The following RADIL variants were observed in gnomAD, a reference collection of about 807,000 sequenced individuals.
The protein encoded by RADIL is ras-associating and dilute domain-containing protein.
Under a neutral mutation model 97.6 loss-of-function variants are expected in RADIL, and 99 were observed. The ratio of observed to expected loss-of-function variants is 1.01; its 90% CI spans 0.86 to 1.20. The LOEUF (loss-of-function observed/expected upper bound fraction) is 1.20, where lower values mean the gene tolerates loss of function less well. RADIL is among the 50% of genes most tolerant of loss of function. The probability of loss-of-function intolerance (pLI) is 0.00; values close to 1 mark genes in which losing one functional copy is unlikely to be tolerated. For synonymous variants in RADIL, 803 were observed against 691.8 expected (o/e 1.16, Z -2.52); for missense variants, 1,765 against 1,498.9 (o/e 1.18, Z -2.93).
Position 4,821,468 on chromosome 7 carries a change from G to A in RADIL, c.1615+926C>T, listed in dbSNP as rs746044556. On this transcript the variant is annotated intron_variant, in intron 6 of 14. Transcript: ENST00000399583. This position sits in a 1 kb window ranked among gnomAD's most constrained non-coding sequence, Gnocchi z 5.2. ...GAGCCGAAATCCTACCCCGGCTTCC[G>A]GGCCCGGCCCCATGCCACCTTCCTC... Among the ~76,000 whole-genome samples, 2 of 152,114 alleles carry A rather than the reference G, an allele frequency of 1.3e-5. No individual in the cohort carries two copies. Among genetic ancestry groups the A allele is most frequent in the Admixed American group, 6.5e-5 (1 of 15,276 alleles).
At chr7:4,841,269 C>T (rs916309531) in intron 2 of RADIL, among the ~76,000 whole-genome samples, 1 of 152,170 alleles carries the variant, frequency 6.6e-6, no homozygotes, top group African/African-American at 2.4e-5. Flanking sequence ...CCTGCCCTGG[C>T]GTGACTGAGT....
intron 2 of RADIL, among the ~76,000 whole-genome samples, chr7:4,847,861 G>A (rs1783613748): frequency 6.6e-6 from 1 of 151,864 alleles, no homozygotes; most frequent in Non-Finnish European, 1.5e-5. Context: ...CTGGGGGTGG[G>A]ACCGGCTGAC....
rs1434711188 is a variant in RADIL at position 4,878,284 on chromosome 7, C to T, written c.-64-81G>A. On this transcript the variant is annotated intron_variant, in intron 1 of 14. Transcript: ENST00000399583. This position sits in a 1 kb window ranked among gnomAD's most constrained non-coding sequence, Gnocchi z 4.1. ...TGAGGCCACAGGCGGTGACTCCTGC[C>T]CGTCATCCCAGCGCTTTAGAAGGCC... 6.5e-6 allele frequency: 6 copies of T among 924,848 alleles called. No individual in the cohort carries two copies. Among genetic ancestry groups the T allele is most frequent in the Non-Finnish European group, 9.4e-6 (6 of 640,290 alleles). 57.3% of individuals were successfully genotyped at this position (924,848 alleles called of 1,614,324 possible).
chr7:4,880,301 C>A lies in RADIL; in HGVS notation c.-64-2098G>T, dbSNP rs2115056916. The stretch of plus-strand genomic sequence containing the variant: ...ATCCTAAGAAGCTCAGAGCCGGCCG[C>A]AGCTTCCCCCACGGACTCATCAAAG... On this transcript the variant is annotated intron_variant, in intron 1 of 14. Transcript: ENST00000399583. The surrounding 1 kb of genome is among the most constrained non-coding windows in gnomAD (Gnocchi z 4.5). 6.6e-6 allele frequency among the ~76,000 whole-genome samples: 1 copy of A among 152,342 alleles called. No homozygotes were observed. Among genetic ancestry groups the A allele is most frequent in the South Asian group, 2.1e-4 (1 of 4,832 alleles).
chr7:4,870,913 C>A (rs1784238173), intron 2 of RADIL, among the ~76,000 whole-genome samples: 1 of 152,152 alleles, frequency 6.6e-6, no homozygotes, highest in Non-Finnish European at 1.5e-5. Context: ...CAGGGGACAA[C>A]AGGGCTGTCA....
chr7:4,801,999 G>C lies in RADIL; in HGVS notation c.2500-4C>G. 6.7e-7 allele frequency: 1 copy of C among 1,497,022 alleles called. No individual in the cohort carries two copies. The highest frequency in any genetic ancestry group is 8.9e-7 in the Non-Finnish European group (1 of 1,124,530). The allele number at this position is 1,497,022 out of a possible 1,614,324, so 92.7% of individuals were successfully genotyped here. A position where few individuals can be genotyped will look rare whatever the true frequency, so the allele number is the denominator to read the frequency against. On this transcript the variant is annotated splice_region_variant and splice_polypyrimidine_tract_variant and intron_variant, in intron 11 of 14. Transcript: ENST00000399583. The stretch of plus-strand genomic sequence containing the variant: ...CAAGGACCACGTGGTGCATACCCTA[G>C]GGAGAGGAAGGGTGACAGCTCAGGT...
rs374046773 is a variant in RADIL, at chr7:4,800,266, T to C, written c.2887A>G (p.Ser963Gly). ...LAEESPPAPS[S>G]RSSSTEDFCY... ...AAGTCCTCGGTGCTGGAGCTGCGGCTGGACGGGGCTGGAGGGGACTCCTCC... is the reference window on the plus strand; with the variant it reads ...AAGTCCTCGGTGCTGGAGCTGCGGCCGGACGGGGCTGGAGGGGACTCCTCC... Residue 963 changes from serine to glycine, a missense_variant, in exon 13 of 15, where the codon AGC (serine) becomes GGC (glycine). Ser to Gly is a moderately conservative substitution (Grantham distance 56). Transcript: ENST00000399583. The C allele has an allele frequency of 3.9e-6, 6 of 1,539,232 alleles. No individual in the cohort carries two copies. The African/African-American group carries it at 6.9e-5, about 18-fold the overall frequency.
Position 4,822,262 on chromosome 7 carries a change from G to A in RADIL, c.1615+132C>T. The A allele has an allele frequency of 8.5e-7, 1 of 1,179,474 alleles. No individual in the cohort carries two copies. Among genetic ancestry groups the A allele is most frequent in the Non-Finnish European group, 1.2e-6 (1 of 863,470 alleles). 73.1% of individuals were successfully genotyped at this position (1,179,474 alleles called of 1,614,324 possible). On this transcript the variant is annotated intron_variant, in intron 6 of 14. Transcript: ENST00000399583. The surrounding 1 kb of genome is among the most constrained non-coding windows in gnomAD (Gnocchi z 5.3). ...GAGCAACTGACACATGGCAGCCTAG[G>A]GACTGAGGAAGCCCCCGGCATGAAT...
intron 2 of RADIL, among the ~76,000 whole-genome samples, chr7:4,875,058 G>GGTGCAT (rs1784339623): frequency 1.6e-4 from 24 of 147,186 alleles, no homozygotes; most frequent in African/African-American, 6.3e-4. Context: ...CGGGCGTGGT[G>GGTGCAT]GCGGGCGCCT....
At chr7:4,861,831 A>T in intron 2 of RADIL, 1 of 1,262,596 alleles carries the variant, frequency 7.9e-7, no homozygotes, top group Non-Finnish European at 1.0e-6. Context: ...CCGCCCCGCC[A>T]GGGCACGTCC....
intron 2 of RADIL, among the ~76,000 whole-genome samples, chr7:4,868,101 CG>C (rs1187810990): frequency 6.6e-6 from 1 of 151,992 alleles, no homozygotes; most frequent in Non-Finnish European, 1.5e-5. Flanking sequence ...CTCACTGTGT[CG>C]CCCAGGCTGG....
At chr7:4,801,431 T>A (rs1029916307) in intron 12 of RADIL, among the ~76,000 whole-genome samples, 1 of 152,220 alleles carries the variant, frequency 6.6e-6, no homozygotes, top group African/African-American at 2.4e-5. Flanking sequence ...ACAGTGAGTA[T>A]CTGCCCAAGA....
At position 4,822,369 on chromosome 7, in the gene RADIL, G is replaced by A. The variant is rs886794963; in HGVS notation, c.1615+25C>T. On this transcript the variant is annotated intron_variant, in intron 6 of 14. Coordinates refer to ENST00000399583, the MANE Select transcript of RADIL (RefSeq NM_018059.5). The surrounding 1 kb of genome is among the most constrained non-coding windows in gnomAD (Gnocchi z 5.3). ...CCCCTGCCTGGGGTGCTGGCGGGGG[G>A]AATGGAGGGCAGCGCCAGCCGTACC... The A allele has an allele frequency of 6.3e-7, 1 of 1,596,098 alleles. No individual in the cohort carries two copies. The highest frequency in any genetic ancestry group is 1.1e-5 in the South Asian group (1 of 89,080).
chr7:4,805,466 C>T, intron 10 of RADIL, 100 bp downstream of exon 10: 1 of 1,399,524 alleles, frequency 7.1e-7, no homozygotes, highest in Non-Finnish European at 9.5e-7. Context: ...AGAGGTCCCC[C>T]ACACCCCACT....
In RADIL at chr7:4,836,703, C is replaced by T. The variant is rs145447088; in HGVS notation, c.536-98G>A. 1.5e-3 allele frequency: 2,248 copies of T among 1,509,036 alleles called. 34 individuals are homozygous for T. The East Asian group carries it at 0.04, about 27-fold the overall frequency. The allele number at this position is 1,509,036 out of a possible 1,614,324, so 93.5% of individuals were successfully genotyped here. On this transcript the variant is annotated intron_variant, in intron 2 of 14. Transcript: ENST00000399583. ...CTGTAATCCCAGCACTTTGGGAGGC[C>T]GAGGTGGGGGGATCGCCTGAGGTCA...
At position 4,827,178 on chromosome 7, in the gene RADIL, A is replaced by G. The variant is rs575104613; in HGVS notation, c.1455-4624T>C. On this transcript the variant is annotated intron_variant, in intron 5 of 14. Coordinates refer to ENST00000399583, the MANE Select transcript of RADIL (RefSeq NM_018059.5). ...TCAGGAGTTCAAGACAAGCCTGGTCAACATGGTGAAACCCCGTCTTTACTG... is the reference window on the plus strand; with the variant it reads ...TCAGGAGTTCAAGACAAGCCTGGTCGACATGGTGAAACCCCGTCTTTACTG... Among the ~76,000 whole-genome samples the G allele has an allele frequency of 9.4e-4, 143 of 152,120 alleles. 1 individual carries two copies. Among genetic ancestry groups the G allele is most frequent in the African/African-American group, 3.3e-3 (138 of 41,502 alleles).
chr7:4,868,097 G>A (rs1784169398), intron 2 of RADIL, among the ~76,000 whole-genome samples: 1 of 151,874 alleles, frequency 6.6e-6, no homozygotes, highest in Non-Finnish European at 1.5e-5. Context: ...GAGTCTCACT[G>A]TGTCGCCCAG....
chr7:4,805,404 CG>C (rs988236473), intron 10 of RADIL, 161 bp downstream of exon 10: 4 of 770,962 alleles, frequency 5.2e-6, no homozygotes, highest in African/African-American at 2.6e-5. Flanking sequence ...GGGGATGGGG[CG>C]GGGCGGGGGG....
Position 4,836,588 on chromosome 7 carries a change from G to C in RADIL, c.553C>G (p.Arg185Gly), listed in dbSNP as rs779106158. The change falls in exon 3 of 15, where the codon CGG (arginine) becomes GGG (glycine). Residue 185 changes from arginine (R) to glycine (G), a missense_variant. Transcript: ENST00000399583. ...TTCGCGCGACTCCGCTGCAGCCTCC[G>C]GGCCTGGGCGTTTATCCCTGGAACA... is the stretch of plus-strand genomic sequence containing the variant. ...TITAGINAQA[R>G]RLQRSRAKGT... is the part of the protein sequence containing the mutation. The C allele has an allele frequency of 3.1e-6, 5 of 1,607,386 alleles. No homozygotes were observed. Among genetic ancestry groups the C allele is most frequent in the Non-Finnish European group, 4.2e-6 (5 of 1,179,636 alleles).
Sources: gnomAD v4.1 joint callset for allele counts (sites outside exome capture counted in the v4.1 genomes callset) on GRCh38, gnomAD v4.1.1 for gene constraint, Gnocchi (gnomAD v3.1) non-coding constraint, MANE v1.5 for transcripts, NCBI Gene and HGNC (gene_info 2026-07-23, HGNC 2026-07-21) for gene names.